CNTNAP2: variants seen among roughly 807,000 people sequenced by gnomAD.
The protein encoded by CNTNAP2 is contactin-associated protein-like 2.
Under a neutral mutation model 155.2 loss-of-function variants are expected in CNTNAP2, and 98 were observed. That is an observed-to-expected ratio of 0.63 (90% CI 0.54 to 0.75). The LOEUF (loss-of-function observed/expected upper bound fraction) is 0.75. CNTNAP2 is among the 30% of genes least tolerant of loss of function. CNTNAP2 has a pLI of 0.00. For synonymous variants in CNTNAP2, 651 were observed against 631.2 expected, an observed-to-expected ratio of 1.03 and a Z score of -0.47; for missense variants, 1,727 against 1,688.1, an observed-to-expected ratio of 1.02 and a Z score of -0.40.
intron 12 of CNTNAP2, among the ~76,000 whole-genome samples, chr7:147,570,507 G>A (rs1283985181): frequency 6.6e-6 from 1 of 152,134 alleles, no homozygotes; most frequent in African/African-American, 2.4e-5. Context: ...AAAATTGCTT[G>A]TCAACCAGAA....
At chr7:148,407,670 C>T (rs1156382297) in intron 22 of CNTNAP2, among the ~76,000 whole-genome samples, 1 of 146,038 alleles carries the variant, frequency 6.8e-6, no homozygotes, top group Non-Finnish European at 1.5e-5. Context: ...TGCCACTGCA[C>T]TCCAGCCTGG....
intron 1 of CNTNAP2, among the ~76,000 whole-genome samples, chr7:146,588,397 A>G (rs1798728948): frequency 6.6e-6 from 1 of 152,170 alleles, no homozygotes; most frequent in African/African-American, 2.4e-5. Flanking sequence ...TCATGTGTAG[A>G]CTGAGATACA....
At chr7:147,690,219 A>G (rs1245149460) in intron 13 of CNTNAP2, among the ~76,000 whole-genome samples, 1 of 152,138 alleles carries the variant, frequency 6.6e-6, no homozygotes, top group Admixed American at 6.5e-5. Context: ...CATTTCTCCA[A>G]AATGACTTTT....
intron 15 of CNTNAP2, among the ~76,000 whole-genome samples, chr7:148,054,001 C>T (rs1305476689): frequency 7.2e-6 from 1 of 138,502 alleles, no homozygotes; most frequent in Non-Finnish European, 1.5e-5. Flanking sequence ...AAGACAGAGT[C>T]TAGCTCTGTC....
intron 14 of CNTNAP2, among the ~76,000 whole-genome samples, chr7:147,953,474 C>T (rs771778347): frequency 6.6e-6 from 1 of 152,138 alleles, no homozygotes; most frequent in Non-Finnish European, 1.5e-5. Context: ...CCATGGCACA[C>T]GTTCACCTAT....
At chr7:148,166,958 A>C (rs1332148045) in intron 17 of CNTNAP2, among the ~76,000 whole-genome samples, 1 of 152,110 alleles carries the variant, frequency 6.6e-6, no homozygotes, top group Non-Finnish European at 1.5e-5. Flanking sequence ...AGGACAGAAG[A>C]TTTTTCTTCA....
chr7:147,052,513 C>T (rs780623312), intron 4 of CNTNAP2, among the ~76,000 whole-genome samples: 8 of 151,884 alleles, frequency 5.3e-5, no homozygotes, highest in Non-Finnish European at 1.0e-4. Flanking sequence ...CTCTAAGGGG[C>T]CTACAAAATA....
At position 146,903,803 on chromosome 7, in the gene CNTNAP2, C is replaced by A. The variant is rs1229377390; in HGVS notation, c.402+63899C>A. Among the ~76,000 whole-genome samples, 59 of 151,984 alleles carry A rather than the reference C, an allele frequency of 3.9e-4. 1 individual carries two copies. The highest frequency in any genetic ancestry group is 5.9e-5 in the Non-Finnish European group (4 of 67,994). On this transcript the variant is annotated intron_variant, in intron 3 of 23. Coordinates refer to ENST00000361727, the MANE Select transcript of CNTNAP2 (RefSeq NM_014141.6). ...GGAATAGGTTTGGCTGATCTCTTGC[C>A]CCGCATAGTGACTGCCATTAGTAAT...
intron 9 of CNTNAP2, among the ~76,000 whole-genome samples, chr7:147,345,380 A>G (rs1405844142): frequency 6.6e-6 from 1 of 152,188 alleles, no homozygotes; most frequent in African/African-American, 2.4e-5. Flanking sequence ...AGTTGATTGA[A>G]AATGGAATTC....
rs941315160 is a variant in CNTNAP2, at chr7:147,195,521, G to A, written c.1348+63012G>A. On this transcript the variant is annotated intron_variant, in intron 8 of 23. Transcript: ENST00000361727. The stretch of plus-strand genomic sequence containing the variant: ...TCTATAAATTACTTTGGGCAGTATG[G>A]CTAATTTCACAATATTTCCTATCCA... Among the ~76,000 whole-genome samples the A allele has an allele frequency of 2.6e-5, 4 of 151,954 alleles. No individual in the cohort carries two copies. The South Asian group carries it at 6.3e-4, about 24-fold the overall frequency.
chr7:148,314,876 G>C (rs145771424), intron 21 of CNTNAP2, among the ~76,000 whole-genome samples: 1 of 152,184 alleles, frequency 6.6e-6, no homozygotes, highest in African/African-American at 2.4e-5. Flanking sequence ...TCCCCAGTCC[G>C]TGACCGGTGC....
chr7:146,652,438 T>A (rs1166777611), intron 1 of CNTNAP2, among the ~76,000 whole-genome samples: 1 of 152,164 alleles, frequency 6.6e-6, no homozygotes, highest in African/African-American at 2.4e-5. Flanking sequence ...GCTTAATGTG[T>A]AAATTCCTCT....
At chr7:147,487,075 A>G (rs1798522874) in intron 11 of CNTNAP2, among the ~76,000 whole-genome samples, 1 of 152,218 alleles carries the variant, frequency 6.6e-6, no homozygotes, top group African/African-American at 2.4e-5. Context: ...AGCCCTGTGT[A>G]CAGTAAAAAT....
At chr7:148,286,096 C>G (rs149844154) in intron 21 of CNTNAP2, among the ~76,000 whole-genome samples, 1 of 152,062 alleles carries the variant, frequency 6.6e-6, no homozygotes, top group Non-Finnish European at 1.5e-5. Flanking sequence ...GGTCTTCATC[C>G]TCATCTTCTT....
chr7:147,708,421 T>G (rs996691970), intron 13 of CNTNAP2, among the ~76,000 whole-genome samples: 2 of 152,198 alleles, frequency 1.3e-5, no homozygotes, highest in Non-Finnish European at 2.9e-5. Flanking sequence ...GATGTGGTGA[T>G]GCAGGTACCG....
chr7:147,704,032 T>C (rs1182864566), intron 13 of CNTNAP2, among the ~76,000 whole-genome samples: 1 of 152,166 alleles, frequency 6.6e-6, no homozygotes, highest in Non-Finnish European at 1.5e-5. Flanking sequence ...GTAAATGACA[T>C]AATTTCATTC....
At chr7:147,639,987 C>A (rs1484398870) in intron 13 of CNTNAP2, among the ~76,000 whole-genome samples, 1 of 152,152 alleles carries the variant, frequency 6.6e-6, no homozygotes, top group Non-Finnish European at 1.5e-5. Flanking sequence ...TGTCAGAAAA[C>A]TGCATCTCTG....
intron 1 of CNTNAP2, among the ~76,000 whole-genome samples, chr7:146,223,976 C>T (rs1799249948): frequency 1.3e-5 from 2 of 152,134 alleles, no homozygotes; most frequent in East Asian, 3.9e-4. Flanking sequence ...CAACATTTTC[C>T]TTCCGTTAGC....
At chr7:146,281,072 G>A (rs1800244139) in intron 1 of CNTNAP2, among the ~76,000 whole-genome samples, 1 of 152,134 alleles carries the variant, frequency 6.6e-6, no homozygotes, top group Non-Finnish European at 1.5e-5. Flanking sequence ...CAGAGAGAAG[G>A]AGGCAGAATT....
Sources: allele counts gnomAD v4.1 joint callset (sites outside exome capture counted in the v4.1 genomes callset), GRCh38; gene constraint gnomAD v4.1.1; transcripts MANE v1.5; gene names NCBI Gene and HGNC (gene_info 2026-07-23, HGNC 2026-07-21).